The following TBC1D5 variants were observed in gnomAD, a reference collection of about 807,000 sequenced individuals.
TBC1D5 encodes the protein TBC1 domain family, member 5.
In TBC1D5, 75 loss-of-function variants were observed where a neutral mutation model predicts 100.3. That is an observed-to-expected ratio of 0.75 (90% CI 0.62 to 0.91). The LOEUF (loss-of-function observed/expected upper bound fraction) is 0.91. TBC1D5 is among the 40% of genes least tolerant of loss of function. The pLI is 0.00. For synonymous variants in TBC1D5, 323 were observed against 325.6 expected (o/e 0.99, Z 0.09); for missense variants, 910 against 942.4 (o/e 0.97, Z 0.45).
chr3:17,545,089 ATTTT>A (rs565995639), intron 2 of TBC1D5, among the ~76,000 whole-genome samples: 9 of 151,770 alleles, frequency 5.9e-5, no homozygotes, highest in East Asian at 1.9e-4. Flanking sequence ...AAAAGCTGTG[ATTTT>A]TTTTTATTTT....
At chr3:17,413,778 C>A (rs2093996671) in intron 4 of TBC1D5, among the ~76,000 whole-genome samples, 1 of 152,114 alleles carries the variant, frequency 6.6e-6, no homozygotes, top group African/African-American at 2.4e-5. Flanking sequence ...TGGTTTCTAT[C>A]CCATTTTTAA....
intron 1 of TBC1D5, among the ~76,000 whole-genome samples, chr3:17,738,871 C>T (rs1035961953): frequency 3.3e-5 from 5 of 152,214 alleles, no homozygotes; most frequent in African/African-American, 1.2e-4. Context: ...TTTAATGTTA[C>T]TAAATCATTG....
chr3:17,315,646 A>G (rs2084604631), intron 13 of TBC1D5, among the ~76,000 whole-genome samples: 1 of 152,246 alleles, frequency 6.6e-6, no homozygotes, highest in East Asian at 1.9e-4. Flanking sequence ...TAGTGGTGGA[A>G]GAGAGATTTC....
intron 1 of TBC1D5, among the ~76,000 whole-genome samples, chr3:17,651,302 T>C (rs1197925736): frequency 6.6e-6 from 1 of 152,200 alleles, no homozygotes; most frequent in Non-Finnish European, 1.5e-5. Context: ...AGAATGTTTA[T>C]AATGTAAGAA....
chr3:17,283,906 G>C (rs1327838640), intron 15 of TBC1D5, among the ~76,000 whole-genome samples: 21 of 151,984 alleles, frequency 1.4e-4, no homozygotes, highest in Admixed American at 1.0e-3. Flanking sequence ...GCTCTTTTCT[G>C]CTTTCGAGCT....
intron 12 of TBC1D5, among the ~76,000 whole-genome samples, chr3:17,373,047 C>T (rs1188237125): frequency 6.6e-6 from 1 of 152,122 alleles, no homozygotes; most frequent in African/African-American, 2.4e-5. Context: ...TGTTCCAAAA[C>T]ATTTTATTTA....
chr3:17,381,629 G>A (rs186461376), intron 9 of TBC1D5, among the ~76,000 whole-genome samples: 67 of 152,058 alleles, frequency 4.4e-4, no homozygotes, highest in Admixed American at 1.6e-3. Context: ...GGGGTCTTCT[G>A]CTATTTGCTC....
chr3:17,299,634 G>A (rs547170572), intron 14 of TBC1D5, among the ~76,000 whole-genome samples: 2 of 152,072 alleles, frequency 1.3e-5, no homozygotes, highest in African/African-American at 4.8e-5. Flanking sequence ...CGAGATGGGC[G>A]GATCACAAGG....
chr3:17,345,999 G>A (rs971380915), intron 13 of TBC1D5, among the ~76,000 whole-genome samples: 1 of 151,706 alleles, frequency 6.6e-6, no homozygotes, highest in East Asian at 1.9e-4. Flanking sequence ...CAGCACACCA[G>A]CATGGCACAT....
chr3:17,595,120 G>A lies in TBC1D5; in HGVS notation c.-36+28729C>T, dbSNP rs9681998. ...TAGATGCTTCTTGCCCTTGAACATC[G>A]GACTCCAAGTTCTTGGTTTTAGAAC... On this transcript the variant is annotated intron_variant, in intron 2 of 21. Coordinates refer to ENST00000253692, the Ensembl canonical transcript of TBC1D5. Among the ~76,000 whole-genome samples, 542 of 152,160 alleles carry A rather than the reference G, an allele frequency of 3.6e-3. 5 individuals carry two copies. Among genetic ancestry groups the A allele is most frequent in the African/African-American group, 0.011 (468 of 41,518 alleles).
chr3:17,443,853 T>C (rs771267193), intron 3 of TBC1D5, among the ~76,000 whole-genome samples: 4 of 152,150 alleles, frequency 2.6e-5, no homozygotes, highest in Admixed American at 2.0e-4. Context: ...ACAAAAGTTA[T>C]ATACAATCTG....
At position 17,705,932 on chromosome 3, in the gene TBC1D5, C is replaced by A. The variant is rs1045174024; in HGVS notation, c.-101+33411G>T. 7.2e-5 allele frequency: 82 copies of A among 1,138,900 alleles called. No individual in the cohort carries two copies. The African/African-American group carries it at 8.6e-4, about 12-fold the overall frequency. 70.5% of individuals were successfully genotyped at this position (1,138,900 alleles called of 1,614,324 possible). On this transcript the variant is annotated intron_variant, in intron 1 of 21. Coordinates refer to ENST00000253692, the Ensembl canonical transcript of TBC1D5. ...TGCCCTCGGGCCCGCGGGGCCCGTC[C>A]GCTCCTCCAGCCGCTGCCTCCCGGG...
intron 13 of TBC1D5, among the ~76,000 whole-genome samples, chr3:17,309,820 A>G (rs2083800518): frequency 6.6e-6 from 1 of 151,938 alleles, no homozygotes. Context: ...AAAGTACATG[A>G]ACTAAACCAT....
rs192855186 is a variant in TBC1D5 at position 17,282,177 on chromosome 3, T to A, written c.1245+9718A>T. ...AACCTGAATTTAAGGCAGCAAAAGG[T>A]TGAATGATTTCCCTGGGGGTAAAAT... On this transcript the variant is annotated intron_variant, in intron 15 of 21. Transcript: ENST00000253692. Among the ~76,000 whole-genome samples the A allele has an allele frequency of 5.1e-3, 772 of 152,288 alleles. 9 individuals carry two copies. Among genetic ancestry groups the A allele is most frequent in the South Asian group, 0.011 (52 of 4,830 alleles).
intron 1 of TBC1D5, among the ~76,000 whole-genome samples, chr3:17,644,571 T>C (rs1392893956): frequency 1.3e-5 from 2 of 152,130 alleles, no homozygotes; most frequent in African/African-American, 4.8e-5. Context: ...CTACTTCCAC[T>C]GCAGGCTACA....
intron 1 of TBC1D5, among the ~76,000 whole-genome samples, chr3:17,718,871 A>G (rs1337312184): frequency 6.6e-6 from 1 of 152,184 alleles, no homozygotes; most frequent in Admixed American, 6.5e-5. Flanking sequence ...GATGACCCAG[A>G]CTCAAAAATA....
At chr3:17,303,833 C>CTTTTTTTTTTTTT (rs140988557) in intron 14 of TBC1D5, among the ~76,000 whole-genome samples, 1 of 84,486 alleles carries the variant, frequency 1.2e-5, no homozygotes, top group African/African-American at 4.9e-5. Flanking sequence ...CAATCTACCT[C>CTTTTTTTTTTTTT]TTTTTTTTTT....
chr3:17,649,050 C>T (rs1224410777), intron 1 of TBC1D5, among the ~76,000 whole-genome samples: 2 of 152,070 alleles, frequency 1.3e-5, no homozygotes, highest in Non-Finnish European at 2.9e-5. Context: ...CAGCACTATT[C>T]ACAATAGGAA....
chr3:17,239,112 C>T (rs1185385250), intron 16 of TBC1D5, among the ~76,000 whole-genome samples: 4 of 152,106 alleles, frequency 2.6e-5, no homozygotes. Context: ...TTCCAATCCC[C>T]ATTCAAATAC....
Sources: allele counts gnomAD v4.1 joint callset (sites outside exome capture counted in the v4.1 genomes callset), GRCh38; gene constraint gnomAD v4.1.1; transcripts MANE v1.5; gene names NCBI Gene and HGNC (gene_info 2026-07-23, HGNC 2026-07-21).